ZNF444: variants seen among roughly 807,000 people sequenced by gnomAD.
The protein encoded by ZNF444 is endothelial zinc finger protein 2.
Under a neutral mutation model 14.4 loss-of-function variants are expected in ZNF444, and 8 were observed. That is an observed-to-expected ratio of 0.56 (90% confidence interval 0.33 to 1.00). The LOEUF (loss-of-function observed/expected upper bound fraction) is 1.00, where lower values mean the gene tolerates loss of function less well. Among genes scored for constraint, ZNF444 ranks in the 50% least tolerant of loss-of-function variants. The pLI is 0.03. For synonymous variants in ZNF444, 258 were observed against 235.9 expected (o/e 1.09, Z -0.86); for missense variants, 510 against 504.8 (o/e 1.01, Z -0.10).
Position 56,160,280 on chromosome 19 carries a change from C to T in ZNF444, c.*79C>T. ...CTGCTCTCTCCCAGCGCCACTTGGC[C>T]TCTTCCTCTCCTCCTTCCCTCCCAT... On this transcript the variant is annotated 3_prime_UTR_variant, in exon 5 of 5. Transcript: ENST00000337080. 8.4e-7 allele frequency: 1 copy of T among 1,185,966 alleles called. No homozygotes were observed. Among genetic ancestry groups the T allele is most frequent in the South Asian group, 1.8e-5 (1 of 56,954 alleles). 73.5% of individuals were successfully genotyped at this position (1,185,966 alleles called of 1,614,324 possible). A position where few individuals can be genotyped will look rare whatever the true frequency, so the allele number is the denominator to read the frequency against.
rs1240115797 is a variant in ZNF444, at chr19:56,149,099, C to A, written c.297+1891C>A. On this transcript the variant is annotated intron_variant, in intron 3 of 4. Transcript: ENST00000337080. ...CTCCGACCTTGACCTCTGCTTCCAT[C>A]CCCCATCACTCCTCTGACCTTGACC... Among the ~76,000 whole-genome samples the A allele has an allele frequency of 6.1e-5, 8 of 130,190 alleles. No homozygotes were observed. The East Asian group carries it at 2.0e-3, about 32-fold the overall frequency. The allele number at this position is 130,190 out of a possible 152,430, so 85.4% of individuals were successfully genotyped here. A position where few individuals can be genotyped will look rare whatever the true frequency, so the allele number is the denominator to read the frequency against.
chr19:56,156,617 T>G (rs1156946464), intron 3 of ZNF444: 1 of 152,000 alleles, frequency 6.6e-6, no homozygotes, highest in Non-Finnish European at 1.5e-5. Flanking sequence ...GAAGAGCAGG[T>G]GAAAGTAGGG....
upstream of ZNF444, among the ~76,000 whole-genome samples, chr19:56,138,686 G>C: frequency 6.6e-6 from 1 of 152,086 alleles, no homozygotes; most frequent in East Asian, 1.9e-4. Context: ...CAGGAGCTCG[G>C]GGGAGAGAGG....
chr19:56,144,191 C>T lies in ZNF444; in HGVS notation c.-196-2056C>T, dbSNP rs950939426. Among the ~76,000 whole-genome samples the T allele has an allele frequency of 2.6e-5, 4 of 152,026 alleles. No homozygotes were observed. The highest frequency in any genetic ancestry group is 4.4e-5 in the Non-Finnish European group (3 of 68,020). Reference sequence around the variant, plus strand: ...GGGTGTGTTGGTGCCTGCCTGTGGTCCCAGCTGCTCAGGAGGCTGAGCCAG... The same window carrying T: ...GGGTGTGTTGGTGCCTGCCTGTGGTTCCAGCTGCTCAGGAGGCTGAGCCAG... On this transcript the variant is annotated intron_variant, in intron 1 of 4. Coordinates refer to ENST00000337080, the MANE Select transcript of ZNF444 (RefSeq NM_018337.4). This position sits in a 1 kb window ranked among gnomAD's most constrained non-coding sequence, Gnocchi z 4.0.
chr19:56,147,671 C>T lies in ZNF444; in HGVS notation c.297+463C>T, dbSNP rs919525231. On this transcript the variant is annotated intron_variant, in intron 3 of 4. Transcript: ENST00000337080. The surrounding 1 kb of genome is among the most constrained non-coding windows in gnomAD (Gnocchi z 5.9). ...CGTTCTGTGTGGCTGACCTCAGCCT[C>T]CCGCCCCCTGAAAGTCAAGGATACC... Among the ~76,000 whole-genome samples, 2 of 152,128 alleles carry T rather than the reference C, an allele frequency of 1.3e-5. No homozygotes were observed. Among genetic ancestry groups the T allele is most frequent in the Non-Finnish European group, 2.9e-5 (2 of 68,016 alleles).
chr19:56,146,873 C>T lies in ZNF444; in HGVS notation c.-22-17C>T, dbSNP rs1461071456. On this transcript the variant is annotated splice_polypyrimidine_tract_variant and intron_variant, in intron 2 of 4. Transcript: ENST00000337080. ...GGGTCTCGGCGGGCAGGGGTCTCAC[C>T]GGCTTGTTCCCTGCAGGCGCTGCGG... 8.1e-6 allele frequency: 11 copies of T among 1,355,478 alleles called. No homozygotes were observed. Among genetic ancestry groups the T allele is most frequent in the Non-Finnish European group, 8.5e-6 (9 of 1,058,500 alleles). 84.0% of individuals were successfully genotyped at this position (1,355,478 alleles called of 1,614,324 possible). A position where few individuals can be genotyped will look rare whatever the true frequency, so the allele number is the denominator to read the frequency against.
At position 56,159,065 on chromosome 19, in the gene ZNF444, TCCATCCATCCACCCATCATCCAC is replaced by T. The variant is rs2032092864; in HGVS notation, c.406+468_406+490del. 2.7e-5 allele frequency among the ~76,000 whole-genome samples: 4 copies of T among 149,076 alleles called. No homozygotes were observed. The South Asian group carries it at 8.6e-4, about 32-fold the overall frequency. Reference sequence around the variant, plus strand: ...TGTACATTCATCCACCCATCATCCGTCCATCCATCCACCCATCATCCACCCATGCATTCATCATCTACCCATCC... The same window carrying T: ...TGTACATTCATCCACCCATCATCCGTCCATGCATTCATCATCTACCCATCC... On this transcript the variant is annotated intron_variant, in intron 4 of 4. Coordinates refer to ENST00000337080, the MANE Select transcript of ZNF444 (RefSeq NM_018337.4).
intron 4 of ZNF444, among the ~76,000 whole-genome samples, chr19:56,158,812 A>T (rs1196733264): frequency 1.3e-5 from 2 of 151,780 alleles, no homozygotes; most frequent in Non-Finnish European, 2.9e-5. Flanking sequence ...CCATCCATGC[A>T]CCCATCTAGC....
intron 3 of ZNF444, among the ~76,000 whole-genome samples, chr19:56,150,745 C>A (rs1317370527): frequency 2.6e-5 from 4 of 151,766 alleles, no homozygotes; most frequent in Admixed American, 2.6e-4. Flanking sequence ...TCTGGGGGCG[C>A]TGCTGTGGAT....
intron 3 of ZNF444, chr19:56,150,491 G>A (rs2031509750): frequency 2.7e-6 from 1 of 369,458 alleles, no homozygotes; most frequent in Non-Finnish European, 5.3e-6. Flanking sequence ...TTTTTAATAA[G>A]GGCAGATCTC....
At chr19:56,156,292 TCCTTTTGG>T (rs1323660861) in intron 3 of ZNF444, 1 of 152,240 alleles carries the variant, frequency 6.6e-6, no homozygotes, top group Non-Finnish European at 1.5e-5. Flanking sequence ...CTGAACCCTG[TCCTTTTGG>T]CCTTTTATGG....
Position 56,160,158 on chromosome 19 carries a change from G to A in ZNF444, c.941G>A (p.Gly314Asp), listed in dbSNP as rs931249506. The change falls in exon 5 of 5, where the codon GGC becomes GAC. Residue 314 changes from glycine (G) to aspartate (D), a missense_variant. By Grantham distance (94) the Gly-to-Asp change is moderately conservative. Coordinates refer to ENST00000337080, the MANE Select transcript of ZNF444 (RefSeq NM_018337.4). ...AGCGCGCAGGGGGCGGTAGCTCCGG[G>A]CCCGGATGGTGGAGGCCCCTTCCCG... ...AASAQGAVAP[G>D]PDGGGPFPPW... 2 of 1,481,778 alleles carry A rather than the reference G, an allele frequency of 1.3e-6. No homozygotes were observed. The highest frequency in any genetic ancestry group is 2.9e-5 in the African/African-American group (2 of 67,990). 91.8% of individuals were successfully genotyped at this position (1,481,778 alleles called of 1,614,324 possible). A position where few individuals can be genotyped will look rare whatever the true frequency, so the allele number is the denominator to read the frequency against.
Position 56,159,763 on chromosome 19 carries a change from C to T in ZNF444, c.546C>T (p.Pro182=), listed in dbSNP as rs775814097. 8 of 1,592,988 alleles carry T rather than the reference C, an allele frequency of 5.0e-6. No homozygotes were observed. The Admixed American group carries it at 5.1e-5, about 10-fold the overall frequency. ...FLAAPGTTSC[P]ECGKTSLKPA... Reference sequence around the variant, plus strand: ...CGGCCCCGGGCACCACGTCCTGCCCCGAGTGCGGCAAAACGTCCCTGAAAC... The same window carrying T: ...CGGCCCCGGGCACCACGTCCTGCCCTGAGTGCGGCAAAACGTCCCTGAAAC... Residue 182 remains proline, a synonymous_variant, in exon 5 of 5, where the codon CCC becomes CCT. Transcript: ENST00000337080.
At position 56,147,133 on chromosome 19, in the gene ZNF444, C is replaced by T. The variant is rs747423256; in HGVS notation, c.222C>T (p.Ala74=). The T allele has an allele frequency of 9.0e-6, 14 of 1,554,108 alleles. No homozygotes were observed. Among genetic ancestry groups the T allele is most frequent in the South Asian group, 7.1e-5 (6 of 84,248 alleles). ...VLEQFLSALP[A]DTQAWVCSRQ... ...AACAGTTCCTGAGCGCGCTGCCCGC[C>T]GACACGCAGGCCTGGGTGTGCAGCC... Residue 74 remains alanine (A), a synonymous_variant, in exon 3 of 5, where the codon GCC becomes GCT. Coordinates refer to ENST00000337080, the MANE Select transcript of ZNF444 (RefSeq NM_018337.4). The surrounding 1 kb of genome is among the most constrained non-coding windows in gnomAD (Gnocchi z 5.9).
chr19:56,140,981 G>C (rs920210746), upstream of ZNF444: 2 of 152,204 alleles, frequency 1.3e-5, no homozygotes, highest in African/African-American at 4.8e-5. Context: ...TCCAAAGCCT[G>C]TCGCGCTCAG....
At chr19:56,137,189 G>A (rs2030631829), upstream of ZNF444, among the ~76,000 whole-genome samples, 1 of 151,878 alleles carries the variant, frequency 6.6e-6, no homozygotes, top group Admixed American at 6.6e-5. Context: ...TGACCCATGA[G>A]GCCTGGCGCG....
rs1461195749 is a variant in ZNF444, at chr19:56,145,736, C to T, written c.-196-511C>T. ...TGCTGGCACCCAGATCGCAAATTCCCAGCGGAAGGGACTGGGACAGGCCGT... is the reference window on the plus strand; with the variant it reads ...TGCTGGCACCCAGATCGCAAATTCCTAGCGGAAGGGACTGGGACAGGCCGT... On this transcript the variant is annotated intron_variant, in intron 1 of 4. Transcript: ENST00000337080. This position sits in a 1 kb window ranked among gnomAD's most constrained non-coding sequence, Gnocchi z 4.3. 2.6e-5 allele frequency among the ~76,000 whole-genome samples: 4 copies of T among 152,358 alleles called. No individual in the cohort carries two copies. Among genetic ancestry groups the T allele is most frequent in the African/African-American group, 7.2e-5 (3 of 41,586 alleles).
chr19:56,154,743 A>G (rs2031798856), intron 3 of ZNF444: 1 of 151,948 alleles, frequency 6.6e-6, no homozygotes, highest in South Asian at 2.1e-4. Flanking sequence ...GCCCAGATAC[A>G]CGAGGATGCT....
At chr19:56,138,525 C>T (rs539602429), upstream of ZNF444, among the ~76,000 whole-genome samples, 1 of 152,022 alleles carries the variant, frequency 6.6e-6, no homozygotes, top group Non-Finnish European at 1.5e-5. Flanking sequence ...CTCAGCTACT[C>T]GGGAGGCCAA....
Sources: gnomAD v4.1 joint callset for allele counts (sites outside exome capture counted in the v4.1 genomes callset) on GRCh38, gnomAD v4.1.1 for gene constraint, Gnocchi (gnomAD v3.1) non-coding constraint, MANE v1.5 for transcripts, NCBI Gene and HGNC (gene_info 2026-07-23, HGNC 2026-07-21) for gene names.